The following PLSCR2 variants were observed in gnomAD, a reference collection of about 807,000 sequenced individuals.
PLSCR2 encodes the protein phospholipid scramblase 2.
Under a neutral mutation model 25.3 loss-of-function variants are expected in PLSCR2, and 18 were observed. The observed-to-expected ratio is 0.71, with a 90% confidence interval of 0.49 to 1.06. PLSCR2 has a LOEUF of 1.06. PLSCR2 is among the 50% of genes least tolerant of loss of function. The pLI is 0.00. For synonymous variants in PLSCR2, 88 were observed against 87.3 expected (o/e 1.01, Z -0.04); for missense variants, 243 against 269.5 (o/e 0.90, Z 0.69).
chr3:146,402,016 C>A (rs2038488624), intron 2 of PLSCR2, among the ~76,000 whole-genome samples: 1 of 151,762 alleles, frequency 6.6e-6, no homozygotes, highest in African/African-American at 2.4e-5. Context: ...ACCCCTTTTG[C>A]AAGCAAATAA....
At chr3:146,419,536 A>G (rs1369708025) in intron 2 of PLSCR2, among the ~76,000 whole-genome samples, 1 of 152,128 alleles carries the variant, frequency 6.6e-6, no homozygotes, top group East Asian at 1.9e-4. Context: ...ACATCACTAC[A>G]TACTTAGTGG....
intron 2 of PLSCR2, among the ~76,000 whole-genome samples, chr3:146,418,563 C>T (rs2039055761): frequency 6.6e-6 from 1 of 152,024 alleles, no homozygotes. Context: ...ATCATTAATC[C>T]AAATAATTTT....
In PLSCR2 at chr3:146,395,413, T is replaced by A. The variant is rs933514594; in HGVS notation, c.*145+347A>T. On this transcript the variant is annotated intron_variant and NMD_transcript_variant, in intron 3 of 3. Transcript: ENST00000463633. ...CTATAGTTTCCAAATTAACAATATA[T>A]TACCATTTAAATAAAGTGTAACAAG... Among the ~76,000 whole-genome samples, 4 of 152,316 alleles carry A rather than the reference T, an allele frequency of 2.6e-5. No individual in the cohort carries two copies. The South Asian group carries it at 6.2e-4, about 24-fold the overall frequency.
intron 2 of PLSCR2, among the ~76,000 whole-genome samples, chr3:146,459,061 T>C (rs2041396550): frequency 6.6e-6 from 1 of 152,184 alleles, no homozygotes; most frequent in South Asian, 2.1e-4. Context: ...TATAAAACTT[T>C]ATATTCCTAT....
chr3:146,430,555 T>A (rs188483635), downstream of PLSCR2, among the ~76,000 whole-genome samples: 5 of 152,164 alleles, frequency 3.3e-5, no homozygotes, highest in African/African-American at 4.8e-5. Flanking sequence ...TCTATTGAGT[T>A]TTTTCTGATT....
downstream of PLSCR2, among the ~76,000 whole-genome samples, chr3:146,428,524 TG>T (rs1199899853): frequency 1.3e-5 from 2 of 152,212 alleles, no homozygotes; most frequent in East Asian, 3.9e-4. Context: ...CTTCAGTGCT[TG>T]GTTTGTGGGA....
intron 1 of PLSCR2, among the ~76,000 whole-genome samples, chr3:146,486,491 A>G (rs1011697392): frequency 6.6e-6 from 1 of 152,068 alleles, no homozygotes; most frequent in Non-Finnish European, 1.5e-5. Context: ...AGGGGATATC[A>G]CCAATGACTC....
At chr3:146,433,009 T>C (rs1368768160), downstream of PLSCR2, among the ~76,000 whole-genome samples, 2 of 152,196 alleles carry the variant, frequency 1.3e-5, no homozygotes, top group Admixed American at 6.5e-5. Flanking sequence ...TGAATTGAAA[T>C]TGACATATTT....
At chr3:146,428,711 C>G (rs532176817), downstream of PLSCR2, among the ~76,000 whole-genome samples, 187 of 152,286 alleles carry the variant, frequency 1.2e-3, no homozygotes, top group African/African-American at 4.3e-3. Flanking sequence ...TAAGAAAAAA[C>G]AGTCTCTAGC....
intron 1 of PLSCR2, among the ~76,000 whole-genome samples, chr3:146,476,190 G>A (rs758273610): frequency 9.2e-5 from 14 of 152,024 alleles, no homozygotes; most frequent in Non-Finnish European, 1.6e-4. Context: ...ACTGGGAACC[G>A]AGGTACCCTC....
At chr3:146,416,842 A>G (rs2039018002) in intron 2 of PLSCR2, among the ~76,000 whole-genome samples, 1 of 152,228 alleles carries the variant, frequency 6.6e-6, no homozygotes, top group Non-Finnish European at 1.5e-5. Context: ...GAGTACAAGT[A>G]CTAGTTAATA....
intron 2 of PLSCR2, among the ~76,000 whole-genome samples, chr3:146,403,379 C>T (rs918768224): frequency 5.9e-5 from 9 of 152,250 alleles, no homozygotes; most frequent in East Asian, 1.9e-4. Context: ...AAATTATTGA[C>T]GCCAAGCTGT....
rs546693519 is a variant in PLSCR2, at chr3:146,481,575, A to C, written c.-293+14320T>G. 2.0e-4 allele frequency among the ~76,000 whole-genome samples: 31 copies of C among 152,338 alleles called. No homozygotes were observed. In the South Asian group the frequency reaches 6.4e-3, roughly 32 times the overall value. ...CTACAAACCACTGCTCAAGGAAATA[A>C]GACAGGACACAAACAAATGGAAGAA... On this transcript the variant is annotated intron_variant, in intron 1 of 8. Transcript: ENST00000336685.
At chr3:146,424,796 G>C (rs1210484396) in intron 2 of PLSCR2, among the ~76,000 whole-genome samples, 1 of 151,898 alleles carries the variant, frequency 6.6e-6, no homozygotes, top group African/African-American at 2.4e-5. Context: ...CCTCCCGTAG[G>C]ACATTTTCAT....
intron 2 of PLSCR2, among the ~76,000 whole-genome samples, chr3:146,399,678 T>TTTCC (rs2107992966): frequency 6.6e-6 from 1 of 151,632 alleles, no homozygotes; most frequent in South Asian, 2.1e-4. Flanking sequence ...CTGGCCTTTC[T>TTTCC]TTCCTTCCTT....
chr3:146,421,790 G>A (rs1453664547), intron 2 of PLSCR2, among the ~76,000 whole-genome samples: 1 of 152,126 alleles, frequency 6.6e-6, no homozygotes, highest in Non-Finnish European at 1.5e-5. Context: ...TAGTGCAAAT[G>A]GGGACCTTTG....
At chr3:146,480,437 C>A (rs2043088868) in intron 1 of PLSCR2, among the ~76,000 whole-genome samples, 2 of 152,066 alleles carry the variant, frequency 1.3e-5, no homozygotes, top group African/African-American at 4.8e-5. Context: ...ATACAAACTA[C>A]CATAAGAGAA....
chr3:146,444,496 C>T (rs764075689), intron 6 of PLSCR2, among the ~76,000 whole-genome samples: 1 of 151,384 alleles, frequency 6.6e-6, no homozygotes, highest in African/African-American at 2.4e-5. Flanking sequence ...GCAAAATTGA[C>T]CCCTGTATCA....
At chr3:146,472,421 A>G (rs2042148649) in intron 1 of PLSCR2, among the ~76,000 whole-genome samples, 1 of 152,224 alleles carries the variant, frequency 6.6e-6, no homozygotes, top group South Asian at 2.1e-4. Flanking sequence ...AAAATACCAT[A>G]GTCTGGGTAG....
Sources: gnomAD v4.1 joint callset for allele counts (sites outside exome capture counted in the v4.1 genomes callset) on GRCh38, gnomAD v4.1.1 for gene constraint, MANE v1.5 for transcripts, NCBI Gene and HGNC (gene_info 2026-07-23, HGNC 2026-07-21) for gene names.